ANAPC4: variants seen among roughly 807,000 people sequenced by gnomAD.
ANAPC4 encodes anaphase-promoting complex subunit 4.
Under a neutral mutation model 119.8 loss-of-function variants are expected in ANAPC4, and 63 were observed. That is an observed-to-expected ratio of 0.53 (90% CI 0.43 to 0.65). ANAPC4 has a LOEUF of 0.65. ANAPC4 is among the 30% of genes least tolerant of loss of function. The pLI, the probability that ANAPC4 is intolerant of heterozygous loss-of-function variation, is 0.00. For missense variants in ANAPC4, 716 were observed against 945.1 expected (o/e 0.76, Z 3.18); for synonymous variants, 283 against 318.6 (o/e 0.89, Z 1.19).
chr4:25,397,338 T>G (rs1722715556), intron 16 of ANAPC4, among the ~76,000 whole-genome samples: 1 of 152,120 alleles, frequency 6.6e-6, no homozygotes, highest in South Asian at 2.1e-4. Context: ...GGTGGTGTAG[T>G]ACCTCTGGAG....
rs200157836 is a variant in ANAPC4, at chr4:25,392,322, T to A, written c.706-16T>A. Reference sequence around the variant, plus strand: ...TGCATCTGATGATGACTCACTTTACTCTTTTGATTTTACAGCTTGAAACTA... The same window carrying A: ...TGCATCTGATGATGACTCACTTTACACTTTTGATTTTACAGCTTGAAACTA... On this transcript the variant is annotated splice_polypyrimidine_tract_variant and intron_variant, in intron 9 of 28. Transcript: ENST00000315368. The A allele has an allele frequency of 1.1e-5, 17 of 1,582,204 alleles. No homozygotes were observed. Among genetic ancestry groups the A allele is most frequent in the East Asian group, 4.5e-5 (2 of 44,660 alleles).
rs1379844841 is a variant in ANAPC4, at chr4:25,377,489, A to G, written c.62A>G (p.Gln21Arg). ...GTGGTGGGAGAGAAGCAGCTCCCGCAGGAGATTATTTTCCTGGTCTGGTCG... is the reference window on the plus strand; with the variant it reads ...GTGGTGGGAGAGAAGCAGCTCCCGCGGGAGATTATTTTCCTGGTCTGGTCG... ...FRVVGEKQLP[Q>R]EIIFLVWSPK... The change falls in exon 2 of 29, where the codon CAG becomes CGG. Residue 21 changes from glutamine (Q) to arginine (R), a missense_variant. Around this residue, in one of 3 missense-constraint regions of ANAPC4, gnomAD observed 202 missense variants for 293.5 expected, o/e 0.69. Coordinates refer to ENST00000315368, the MANE Select transcript of ANAPC4 (RefSeq NM_013367.3). 1.2e-6 allele frequency: 2 copies of G among 1,614,020 alleles called. No individual in the cohort carries two copies. Among genetic ancestry groups the G allele is most frequent in the East Asian group, 2.2e-5 (1 of 44,870 alleles).
chr4:25,413,610 CTTTTAT>C (rs1466997144), intron 21 of ANAPC4, 29 bp from the exon 22 acceptor site: 16 of 1,522,846 alleles, frequency 1.1e-5, no homozygotes, highest in Non-Finnish European at 1.4e-5. Flanking sequence ...GCTATAGCTT[CTTTTAT>C]TTTTGTTTCT....
rs1200993284 is a variant in ANAPC4 at position 25,418,330 on chromosome 4, C to T, written c.2375C>T (p.Ala792Val). 1.2e-6 allele frequency: 2 copies of T among 1,614,024 alleles called. No individual in the cohort carries two copies. Among genetic ancestry groups the T allele is most frequent in the Admixed American group, 3.3e-5 (2 of 60,006 alleles). The stretch of plus-strand genomic sequence containing the variant: ...CAACAAGCTGGTGCTGCCGCTTTAG[C>T]TCCAGAGATAGTCATTAAAGTGGAA... ...ENQQAGAAAL[A>V]PEIVIKVEKL... The change falls in exon 29 of 29, where the codon GCT (alanine) becomes GTT (valine). Residue 792 changes from alanine to valine, a missense_variant. Around this residue, in one of 3 missense-constraint regions of ANAPC4, gnomAD observed 504 missense variants for 615.8 expected, o/e 0.82. Coordinates refer to ENST00000315368, the MANE Select transcript of ANAPC4 (RefSeq NM_013367.3).
chr4:25,416,635 A>G (rs771573527), intron 27 of ANAPC4, 37 bp downstream of exon 27: 1 of 1,428,418 alleles, frequency 7.0e-7, no homozygotes, highest in Admixed American at 2.3e-5. Flanking sequence ...ATTACAGTTA[A>G]ATGTTTTTTT....
intron 21 of ANAPC4, 28 bp from the exon 22 acceptor site, chr4:25,413,617 T>C (rs990702114): frequency 6.4e-7 from 1 of 1,552,508 alleles, no homozygotes; most frequent in Admixed American, 1.7e-5. Flanking sequence ...CTTCTTTTAT[T>C]TTTGTTTCTG....
At chr4:25,385,133 A>T (rs952089300) in intron 4 of ANAPC4, among the ~76,000 whole-genome samples, 2 of 152,180 alleles carry the variant, frequency 1.3e-5, no homozygotes, top group African/African-American at 2.4e-5. Context: ...TGAGTTTTGG[A>T]TTCAACTTAA....
intron 16 of ANAPC4, among the ~76,000 whole-genome samples, chr4:25,400,752 T>C (rs1472857760): frequency 1.3e-5 from 2 of 152,080 alleles, no homozygotes; most frequent in Non-Finnish European, 1.5e-5. Context: ...TGAACTACTT[T>C]AGGAAGGAAG....
intron 16 of ANAPC4, among the ~76,000 whole-genome samples, chr4:25,401,618 G>A (rs760172538): frequency 9.2e-5 from 14 of 152,152 alleles, no homozygotes; most frequent in Non-Finnish European, 1.5e-4. Context: ...TGCCCTCTCC[G>A]TGCACTGCGT....
chr4:25,412,300 G>C (rs1312340117), intron 21 of ANAPC4, among the ~76,000 whole-genome samples: 1 of 151,998 alleles, frequency 6.6e-6, no homozygotes, highest in Non-Finnish European at 1.5e-5. Context: ...TATTTCTGGC[G>C]GTTTCATTAT....
intron 7 of ANAPC4, 43 bp from the exon 8 acceptor site, chr4:25,390,093 T>G: frequency 7.9e-7 from 1 of 1,271,714 alleles, no homozygotes; most frequent in Non-Finnish European, 1.1e-6. Context: ...CAATCATCTG[T>G]GTTGTTGATT....
At chr4:25,414,439 C>T (rs1488963205) in intron 23 of ANAPC4, 27 bp from the exon 24 acceptor site, 1 of 1,598,306 alleles carries the variant, frequency 6.3e-7, no homozygotes, top group Non-Finnish European at 8.5e-7. Flanking sequence ...TTAAATTTTT[C>T]TCATTTCTTT....
Position 25,417,619 on chromosome 4 carries a change from A to G in ANAPC4, c.2079A>G (p.Leu693=), listed in dbSNP as rs201068010. The G allele has an allele frequency of 6.9e-6, 11 of 1,593,732 alleles. No individual in the cohort carries two copies. Among genetic ancestry groups the G allele is most frequent in the Non-Finnish European group, 8.5e-6 (10 of 1,173,366 alleles). The change falls in exon 28 of 29, where the codon CTA becomes CTG. Residue 693 remains leucine, a synonymous_variant. Coordinates refer to ENST00000315368, the MANE Select transcript of ANAPC4 (RefSeq NM_013367.3). ...GTTGGTTTTTTTCCCTCTTTAGGCT[A>G]GATGAACAGTGTAGTGCTATTCCCA... is the stretch of plus-strand genomic sequence containing the variant. ...YQFTGTYSTR[L]DEQCSAIPTR...
At chr4:25,414,728 AAG>A in intron 25 of ANAPC4, 28 bp downstream of exon 25, 7 of 1,457,126 alleles carry the variant, frequency 4.8e-6, no homozygotes, top group Non-Finnish European at 6.4e-6. Flanking sequence ...GTTTGAATCA[AAG>A]AGATAAGATT....
At chr4:25,381,806 G>A (rs1253404884) in intron 3 of ANAPC4, among the ~76,000 whole-genome samples, 1 of 152,136 alleles carries the variant, frequency 6.6e-6, no homozygotes, top group East Asian at 1.9e-4. Flanking sequence ...AAATTAGCCA[G>A]GCGTGGTGGT....
At chr4:25,386,725 T>C (rs1002717391) in intron 4 of ANAPC4, among the ~76,000 whole-genome samples, 1 of 152,232 alleles carries the variant, frequency 6.6e-6, no homozygotes, top group Admixed American at 6.5e-5. Context: ...CTGATAGACT[T>C]GCTTGACACA....
rs1407644820 is a variant in ANAPC4 at position 25,405,906 on chromosome 4, C to G, written c.1317+287C>G. ...TCCTTGTATTCCTTACTTTGACTTCCTTAAATTTTAAATGCTTCTTATTTT... is the reference window on the plus strand; with the variant it reads ...TCCTTGTATTCCTTACTTTGACTTCGTTAAATTTTAAATGCTTCTTATTTT... On this transcript the variant is annotated intron_variant, in intron 18 of 28. Transcript: ENST00000315368. This position sits in a 1 kb window ranked among gnomAD's most constrained non-coding sequence, Gnocchi z 4.6. 6.6e-6 allele frequency among the ~76,000 whole-genome samples: 1 copy of G among 152,088 alleles called. No individual in the cohort carries two copies. The highest frequency in any genetic ancestry group is 1.5e-5 in the Non-Finnish European group (1 of 68,012).
At position 25,396,675 on chromosome 4, in the gene ANAPC4, C is replaced by T. The variant is rs1183426749; in HGVS notation, c.1073C>T (p.Ser358Phe). The T allele has an allele frequency of 6.2e-7, 1 of 1,607,164 alleles. No homozygotes were observed. Among genetic ancestry groups the T allele is most frequent in the Admixed American group, 1.7e-5 (1 of 58,452 alleles). The part of the protein sequence containing the change: ...VISHLQSGSE[S>F]LLYHLSELKG... ...CTCTGTTTGGATAGTGGCTCGGAGTCTTTATTATACCATTTGAGTGAATTG... is the reference window on the plus strand; with the variant it reads ...CTCTGTTTGGATAGTGGCTCGGAGTTTTTATTATACCATTTGAGTGAATTG... Residue 358 changes from serine to phenylalanine, a missense_variant, in exon 15 of 29, where the codon TCT (serine) becomes TTT (phenylalanine). Around this residue, in one of 3 missense-constraint regions of ANAPC4, gnomAD observed 504 missense variants for 615.8 expected, o/e 0.82. Coordinates refer to ENST00000315368, the MANE Select transcript of ANAPC4 (RefSeq NM_013367.3).
At chr4:25,412,261 A>C (rs765945441) in intron 21 of ANAPC4, among the ~76,000 whole-genome samples, 11 of 152,192 alleles carry the variant, frequency 7.2e-5, no homozygotes, top group Non-Finnish European at 1.5e-5. Flanking sequence ...CACCACCCAG[A>C]AAGTTCTCTG....
Sources: allele counts gnomAD v4.1 joint callset (sites outside exome capture counted in the v4.1 genomes callset), GRCh38; gene constraint gnomAD v4.1.1; regional missense constraint gnomAD v4.1.1; non-coding constraint Gnocchi (gnomAD v3.1); transcripts MANE v1.5; gene names NCBI Gene and HGNC (gene_info 2026-07-23, HGNC 2026-07-21).